Variants in SS18 observed in about 807,000 individuals in gnomAD.
SS18 encodes the protein SS18 subunit of BAF chromatin remodeling complex, also known as protein SSXT.
Under a neutral mutation model 72.5 loss-of-function variants are expected in SS18, and 28 were observed. The observed-to-expected ratio is 0.39, with a 90% confidence interval of 0.29 to 0.53. The LOEUF (loss-of-function observed/expected upper bound fraction) is 0.53. Ranked by LOEUF, SS18 falls within the 20% of genes least tolerant of loss-of-function variation. The pLI is 0.76. For missense variants in SS18, 518 were observed against 535.3 expected, an observed-to-expected ratio of 0.97 and a Z score of 0.32; for synonymous variants, 172 against 164.2, an observed-to-expected ratio of 1.05 and a Z score of -0.37.
chr18:26,088,932 A>C (rs2054665285), intron 1 of SS18, among the ~76,000 whole-genome samples: 1 of 152,208 alleles, frequency 6.6e-6, no homozygotes, highest in Admixed American at 6.5e-5. Context: ...GTTATTTCTT[A>C]AATAGAACCA....
chr18:26,070,573 G>C (rs1448687614), intron 3 of SS18, among the ~76,000 whole-genome samples: 1 of 152,144 alleles, frequency 6.6e-6, no homozygotes, highest in Non-Finnish European at 1.5e-5. Flanking sequence ...AAATGCCTAA[G>C]TGTTAGTGCA....
Position 26,018,228 on chromosome 18 carries a change from CT to C in SS18, c.*125del. ...AGGCTGCTTACTGATGAAACAGCCA[CT>C]TATCCACAAGGTTTTTCCAAAAACT... is the stretch of plus-strand genomic sequence containing the variant. On this transcript the variant is annotated 3_prime_UTR_variant, in exon 11 of 11. Coordinates refer to ENST00000415083, the MANE Select transcript of SS18 (RefSeq NM_001007559.3). 2.6e-6 allele frequency: 2 copies of C among 757,540 alleles called. 1 individual carries two copies. The highest frequency in any genetic ancestry group is 4.4e-5 in the South Asian group (2 of 45,954). The allele number at this position is 757,540 out of a possible 1,614,324, so 46.9% of individuals were successfully genotyped here.
At position 26,035,188 on chromosome 18, in the gene SS18, C is replaced by G. The variant is rs2053607269; in HGVS notation, c.974-61G>C. On this transcript the variant is annotated intron_variant, in intron 8 of 10. Coordinates refer to ENST00000415083, the MANE Select transcript of SS18 (RefSeq NM_001007559.3). The surrounding 1 kb of genome is among the most constrained non-coding windows in gnomAD (Gnocchi z 4.4). Reference sequence around the variant, plus strand: ...GAAGTCTGCTTAAGTAACTTTTTTCCCTCTAAGATGCATAGCCAACAACAC... The same window carrying G: ...GAAGTCTGCTTAAGTAACTTTTTTCGCTCTAAGATGCATAGCCAACAACAC... 6.4e-7 allele frequency: 1 copy of G among 1,568,852 alleles called. No individual in the cohort carries two copies. The highest frequency in any genetic ancestry group is 8.7e-7 in the Non-Finnish European group (1 of 1,151,582).
intron 3 of SS18, chr18:26,064,941 A>T (rs10164098): frequency 2.6e-5 from 4 of 152,138 alleles, no homozygotes; most frequent in African/African-American, 9.6e-5. Context: ...CTATATTTCT[A>T]TATATTTCCA....
intron 3 of SS18, among the ~76,000 whole-genome samples, chr18:26,072,530 A>G (rs2144111360): frequency 6.6e-6 from 1 of 152,218 alleles, no homozygotes; most frequent in Non-Finnish European, 1.5e-5. Flanking sequence ...ATTCACAATG[A>G]TGTTGCAGGC....
rs1175095018 is a variant in SS18, at chr18:26,017,082, C to T, written c.*1272G>A. On this transcript the variant is annotated 3_prime_UTR_variant, in exon 11 of 11. Transcript: ENST00000415083. ...CATGCTTTCCTGCCCCACGCAATCTCCCTGAATTTAGCTAAAATAATCAGG... is the reference window on the plus strand; with the variant it reads ...CATGCTTTCCTGCCCCACGCAATCTTCCTGAATTTAGCTAAAATAATCAGG... The T allele has an allele frequency of 9.1e-6, 2 of 220,326 alleles. No individual in the cohort carries two copies. Among genetic ancestry groups the T allele is most frequent in the African/African-American group, 2.2e-5 (1 of 44,566 alleles). The allele number at this position is 220,326 out of a possible 1,614,324, so 13.6% of individuals were successfully genotyped here.
At chr18:26,023,535 G>A in intron 10 of SS18, 1 of 458,226 alleles carries the variant, frequency 2.2e-6, no homozygotes, top group Non-Finnish European at 4.1e-6. Context: ...AAAGATAAAT[G>A]ACAGCAAATG....
rs185966279 is a variant in SS18 at position 26,088,660 on chromosome 18, G to A, written c.70-1083C>T. Among the ~76,000 whole-genome samples the A allele has an allele frequency of 1.4e-3, 211 of 152,262 alleles. 1 individual carries two copies. Among genetic ancestry groups the A allele is most frequent in the Non-Finnish European group, 4.3e-4 (29 of 68,024 alleles). On this transcript the variant is annotated intron_variant, in intron 1 of 10. Transcript: ENST00000415083. ...AATTAAAAGGCCAGTTAGTTTCAGT[G>A]CCAGTTTTGCCATTTTGAGCAAGTC...
At chr18:26,030,992 T>C (rs1598534466) in intron 10 of SS18, among the ~76,000 whole-genome samples, 1 of 152,184 alleles carries the variant, frequency 6.6e-6, no homozygotes, top group Non-Finnish European at 1.5e-5. Context: ...AGACAGCTGG[T>C]TGACTATTTT....
At chr18:26,054,794 G>A (rs1248453944) in intron 4 of SS18, among the ~76,000 whole-genome samples, 4 of 150,512 alleles carry the variant, frequency 2.7e-5, no homozygotes, top group Non-Finnish European at 5.9e-5. Flanking sequence ...AGGCTAGAGT[G>A]CAATGGTGCA....
At chr18:26,084,747 A>G (rs967403448) in intron 2 of SS18, among the ~76,000 whole-genome samples, 2 of 152,192 alleles carry the variant, frequency 1.3e-5, no homozygotes, top group Non-Finnish European at 2.9e-5. Flanking sequence ...GGTCTATACT[A>G]TTCAATAATG....
intron 3 of SS18, among the ~76,000 whole-genome samples, chr18:26,058,249 C>T (rs2054060455): frequency 6.6e-6 from 1 of 152,176 alleles, no homozygotes. Context: ...GTGCCGACTA[C>T]TGCTATAGAT....
rs115510156 is a variant in SS18, at chr18:26,025,610, A to T, written c.1230+6789T>A. On this transcript the variant is annotated intron_variant, in intron 10 of 10. Coordinates refer to ENST00000415083, the MANE Select transcript of SS18 (RefSeq NM_001007559.3). ...AACACAGATAAAATGGACAACTCCA[A>T]TGAAAAACACACAAAACATTTACTC... Among the ~76,000 whole-genome samples, 1,100 of 152,230 alleles carry T rather than the reference A, an allele frequency of 7.2e-3. 10 individuals are homozygous for T. Among genetic ancestry groups the T allele is most frequent in the African/African-American group, 0.025 (1,041 of 41,566 alleles).
At chr18:26,067,508 T>C (rs929252265) in intron 3 of SS18, among the ~76,000 whole-genome samples, 1 of 152,178 alleles carries the variant, frequency 6.6e-6, no homozygotes, top group African/African-American at 2.4e-5. Flanking sequence ...AATGGGTATG[T>C]CTATTGGAAG....
rs988909359 is a variant in SS18 at position 26,090,446 on chromosome 18, C to T, written c.69+55G>A. ...CCGGGCCCGGCCCTTCCCCCCGCGT[C>T]TGTCTCTCCCAGAGGCGGTAAGGGC... On this transcript the variant is annotated intron_variant, in intron 1 of 10. Transcript: ENST00000415083. 6.6e-6 allele frequency: 10 copies of T among 1,526,360 alleles called. No homozygotes were observed. The East Asian group carries it at 7.4e-5, about 11-fold the overall frequency. 94.6% of individuals were successfully genotyped at this position (1,526,360 alleles called of 1,614,324 possible). A position where few individuals can be genotyped will look rare whatever the true frequency, so the allele number is the denominator to read the frequency against.
intron 5 of SS18, among the ~76,000 whole-genome samples, chr18:26,042,040 A>G (rs1357705842): frequency 6.6e-6 from 1 of 152,128 alleles, no homozygotes; most frequent in Non-Finnish European, 1.5e-5. Context: ...TCGAAGCCTT[A>G]TCCATTAAAG....
At position 26,027,770 on chromosome 18, in the gene SS18, T is replaced by A. The variant is rs1402383452; in HGVS notation, c.1230+4629A>T. Among the ~76,000 whole-genome samples the A allele has an allele frequency of 5.3e-5, 8 of 150,056 alleles. No individual in the cohort carries two copies. The South Asian group carries it at 8.4e-4, about 16-fold the overall frequency. On this transcript the variant is annotated intron_variant, in intron 10 of 10. Coordinates refer to ENST00000415083, the MANE Select transcript of SS18 (RefSeq NM_001007559.3). ...CAGAAAGAAAAAAAGCCATGCAAAC[T>A]TTATTTCATACTTCACACCATACAT...
chr18:26,083,378 G>A (rs557532337), intron 2 of SS18, among the ~76,000 whole-genome samples: 49 of 152,124 alleles, frequency 3.2e-4, no homozygotes, highest in Non-Finnish European at 4.4e-4. Flanking sequence ...AAAACCAAAG[G>A]CAAAAATAAT....
chr18:26,038,476 C>T (rs2053663326), intron 7 of SS18, 79 bp downstream of exon 7: 1 of 1,332,510 alleles, frequency 7.5e-7, no homozygotes, highest in Admixed American at 1.7e-5. Flanking sequence ...TTCGTCCTCA[C>T]TGAAATGTTT....
Sources: gnomAD v4.1 joint callset for allele counts (sites outside exome capture counted in the v4.1 genomes callset) on GRCh38, gnomAD v4.1.1 for gene constraint, Gnocchi (gnomAD v3.1) non-coding constraint, MANE v1.5 for transcripts, NCBI Gene and HGNC (gene_info 2026-07-23, HGNC 2026-07-21) for gene names.